GRID1: variants seen among roughly 807,000 people sequenced by gnomAD.
The protein encoded by GRID1 is glutamate receptor ionotropic, delta-1.
GRID1 carries 28 observed loss-of-function variants against 98.0 expected under a neutral mutation model. The ratio of observed to expected loss-of-function variants is 0.29; its 90% confidence interval spans 0.21 to 0.39. The LOEUF (loss-of-function observed/expected upper bound fraction) is 0.39. Ranked by LOEUF, GRID1 falls within the 10% of genes least tolerant of loss-of-function variation. GRID1 has a pLI of 1.00. For synonymous variants in GRID1, 553 were observed against 538.5 expected (o/e 1.03, Z -0.37); for missense variants, 1,111 against 1,340.5 (o/e 0.83, Z 2.67).
intron 4 of GRID1, among the ~76,000 whole-genome samples, chr10:86,025,272 T>C (rs1843101793): frequency 6.6e-6 from 1 of 152,158 alleles, no homozygotes; most frequent in Non-Finnish European, 1.5e-5. Flanking sequence ...CACTAGGTAA[T>C]ATAATGCATG....
intron 12 of GRID1, among the ~76,000 whole-genome samples, chr10:85,686,915 C>T (rs1430426022): frequency 6.6e-6 from 1 of 151,952 alleles, no homozygotes; most frequent in Admixed American, 6.6e-5. Context: ...TATTTATCAA[C>T]TCTGGATGAT....
chr10:86,203,753 C>G (rs1845987685), intron 3 of GRID1, among the ~76,000 whole-genome samples: 2 of 151,908 alleles, frequency 1.3e-5, no homozygotes, highest in Non-Finnish European at 2.9e-5. Context: ...AACCCCAGCT[C>G]TGGGGTTCTC....
intron 12 of GRID1, among the ~76,000 whole-genome samples, chr10:85,694,584 ATATATATATATATATAT>A (rs1564562141): frequency 3.5e-4 from 26 of 74,476 alleles, no homozygotes; most frequent in Admixed American, 4.7e-4. Context: ...ATATATATAT[ATATATATATATATATAT>A]AATGGAATAT....
intron 2 of GRID1, among the ~76,000 whole-genome samples, chr10:86,332,474 A>AC (rs1435456782): frequency 6.6e-6 from 1 of 151,788 alleles, no homozygotes; most frequent in Non-Finnish European, 1.5e-5. Context: ...ATGGCCTCTC[A>AC]CCCCTTGGCT....
At chr10:86,046,093 C>A (rs979578585) in intron 4 of GRID1, among the ~76,000 whole-genome samples, 1 of 152,150 alleles carries the variant, frequency 6.6e-6, no homozygotes, top group Non-Finnish European at 1.5e-5. Context: ...GACACACCCA[C>A]CGTTGTGCCA....
Position 85,857,474 on chromosome 10 carries a change from A to G in GRID1, c.952-1284T>C, listed in dbSNP as rs562827664. Among the ~76,000 whole-genome samples the G allele has an allele frequency of 3.9e-5, 6 of 152,168 alleles. No homozygotes were observed. In the East Asian group the frequency reaches 1.2e-3, roughly 30 times the overall value. ...AGCGGGAGCCCAATGGGGGAGAAGG[A>G]CAGCTCTGTTCTCGGATGTCACCTT... On this transcript the variant is annotated intron_variant, in intron 6 of 15. Coordinates refer to ENST00000327946, the MANE Select transcript of GRID1 (RefSeq NM_017551.3).
intron 12 of GRID1, among the ~76,000 whole-genome samples, chr10:85,713,208 T>A (rs979015477): frequency 2.6e-4 from 40 of 151,306 alleles, no homozygotes; most frequent in African/African-American, 9.2e-4. Context: ...AGAAAAAAAA[T>A]TATAAATGAA....
chr10:86,041,258 C>T (rs1271934867), intron 4 of GRID1, among the ~76,000 whole-genome samples: 1 of 152,162 alleles, frequency 6.6e-6, no homozygotes. Flanking sequence ...TTGGGCAGGC[C>T]CTTGAGCCCT....
chr10:86,104,434 A>G (rs1000374022), intron 4 of GRID1, among the ~76,000 whole-genome samples: 1 of 152,182 alleles, frequency 6.6e-6, no homozygotes, highest in Non-Finnish European at 1.5e-5. Context: ...TTGCTTAGCC[A>G]GGGCATAGGA....
intron 2 of GRID1, among the ~76,000 whole-genome samples, chr10:86,255,372 T>C (rs1423122432): frequency 6.6e-6 from 1 of 152,146 alleles, no homozygotes; most frequent in East Asian, 1.9e-4. Flanking sequence ...AACAAGTAAC[T>C]GAGTGCAGCA....
chr10:86,348,847 G>T (rs1173986001), intron 2 of GRID1, among the ~76,000 whole-genome samples: 1 of 152,238 alleles, frequency 6.6e-6, no homozygotes, highest in African/African-American at 2.4e-5. Flanking sequence ...TTCTTGGCAG[G>T]AGCTAAGTAG....
At chr10:86,012,694 G>A (rs1437218073) in intron 4 of GRID1, among the ~76,000 whole-genome samples, 1 of 151,880 alleles carries the variant, frequency 6.6e-6, no homozygotes, top group Non-Finnish European at 1.5e-5. Context: ...ATAGGACTGG[G>A]GCTCTTTTAA....
chr10:86,076,073 C>T (rs1259798780), intron 4 of GRID1, among the ~76,000 whole-genome samples: 1 of 152,158 alleles, frequency 6.6e-6, no homozygotes, highest in African/African-American at 2.4e-5. Flanking sequence ...ATCAAATGGC[C>T]CCTATTTTCT....
intron 12 of GRID1, among the ~76,000 whole-genome samples, chr10:85,707,480 T>A (rs1405182009): frequency 1.3e-5 from 2 of 152,188 alleles, no homozygotes; most frequent in Non-Finnish European, 2.9e-5. Flanking sequence ...CTGGAGAGGA[T>A]GTGGAGAAAT....
intron 2 of GRID1, among the ~76,000 whole-genome samples, chr10:86,260,028 A>G (rs1257367190): frequency 6.6e-6 from 1 of 152,244 alleles, no homozygotes; most frequent in Non-Finnish European, 1.5e-5. Flanking sequence ...GAGCTTGGTT[A>G]GTGTGAACTG....
chr10:85,707,117 C>T (rs918013644), intron 12 of GRID1, among the ~76,000 whole-genome samples: 6 of 152,116 alleles, frequency 3.9e-5, no homozygotes, highest in Admixed American at 1.3e-4. Context: ...CAAATGGGAT[C>T]TAATTAAACT....
chr10:85,988,082 A>G (rs1261246000), intron 4 of GRID1, among the ~76,000 whole-genome samples: 1 of 152,036 alleles, frequency 6.6e-6, no homozygotes, highest in African/African-American at 2.4e-5. Context: ...TCCATCTCCA[A>G]TTATTCATCT....
chr10:85,689,984 G>C (rs1841314627), intron 12 of GRID1, among the ~76,000 whole-genome samples: 1 of 152,030 alleles, frequency 6.6e-6, no homozygotes, highest in African/African-American at 2.4e-5. Context: ...CTGACAGTAA[G>C]AACCTAAATG....
intron 8 of GRID1, among the ~76,000 whole-genome samples, chr10:85,757,724 C>T (rs1196537616): frequency 6.6e-6 from 1 of 152,202 alleles, no homozygotes; most frequent in Non-Finnish European, 1.5e-5. Flanking sequence ...TAGCTCCATC[C>T]AAACACACTG....
Sources: allele counts gnomAD v4.1 joint callset (sites outside exome capture counted in the v4.1 genomes callset), GRCh38; gene constraint gnomAD v4.1.1; transcripts MANE v1.5; gene names NCBI Gene and HGNC (gene_info 2026-07-23, HGNC 2026-07-21).